Variants in USP25 observed in about 807,000 individuals in gnomAD.
The protein encoded by USP25 is ubiquitin specific peptidase 25.
In USP25, 85 loss-of-function variants were observed where a neutral mutation model predicts 158.5. The ratio of observed to expected loss-of-function variants is 0.54; its 90% CI spans 0.45 to 0.64. USP25 has a LOEUF of 0.64. USP25 is among the 30% of genes least tolerant of loss of function. The pLI, the probability that USP25 is intolerant of heterozygous loss-of-function variation, is 0.00. For synonymous variants in USP25, 464 were observed against 460.4 expected (o/e 1.01, Z -0.10); for missense variants, 1,242 against 1,327.3 (o/e 0.94, Z 1.00).
chr21:15,762,932 G>C lies in USP25; in HGVS notation c.87G>C (p.Gly29=). The change falls in exon 2 of 26, where the codon GGG becomes GGC. Residue 29 remains glycine, a synonymous_variant. Transcript: ENST00000400183. ...TGAATCAACTGAGAGAAATTACGGG[G>C]ATTAATGACACCCAGATACTACAGC... The part of the protein sequence containing the change: ...TFLNQLREIT[G]INDTQILQQA... 1 of 1,612,768 alleles carries C rather than the reference G, an allele frequency of 6.2e-7. No individual in the cohort carries two copies. The highest frequency in any genetic ancestry group is 8.5e-7 in the Non-Finnish European group (1 of 1,179,218).
At chr21:15,861,075 A>C (rs1318442763) in intron 20 of USP25, among the ~76,000 whole-genome samples, 4 of 152,042 alleles carry the variant, frequency 2.6e-5, no homozygotes, top group Non-Finnish European at 4.4e-5. Flanking sequence ...AGTAGAAAAA[A>C]GTCTAGGTAG....
At chr21:15,805,881 A>C (rs1442722169) in intron 7 of USP25, among the ~76,000 whole-genome samples, 1 of 152,214 alleles carries the variant, frequency 6.6e-6, no homozygotes, top group East Asian at 1.9e-4. Flanking sequence ...TAATGGCAGA[A>C]GTTTCAAAAA....
intron 1 of USP25, among the ~76,000 whole-genome samples, chr21:15,742,179 C>G (rs575961122): frequency 3.3e-5 from 5 of 151,910 alleles, no homozygotes; most frequent in South Asian, 2.1e-4. Flanking sequence ...TTGGAAAACC[C>G]CCACTATATC....
chr21:15,817,885 G>A (rs367930142), intron 9 of USP25, among the ~76,000 whole-genome samples: 40 of 152,196 alleles, frequency 2.6e-4, no homozygotes, highest in Non-Finnish European at 4.0e-4. Context: ...CAGCCAAACC[G>A]TATCAGTGAC....
chr21:15,784,132 C>T lies in USP25; in HGVS notation c.392+6105C>T, dbSNP rs376178773. Among the ~76,000 whole-genome samples, 36 of 152,286 alleles carry T rather than the reference C, an allele frequency of 2.4e-4. No homozygotes were observed. The East Asian group carries it at 3.3e-3, about 14-fold the overall frequency. On this transcript the variant is annotated intron_variant, in intron 4 of 25. Coordinates refer to ENST00000400183, the MANE Select transcript of USP25 (RefSeq NM_001283041.3). ...AAATATGTGAAAATACAAAACTCAT[C>T]AATATAGGTAAATCCATAATCATAT...
intron 1 of USP25, among the ~76,000 whole-genome samples, chr21:15,737,434 G>A (rs768798346): frequency 1.3e-5 from 2 of 151,796 alleles, no homozygotes; most frequent in Non-Finnish European, 2.9e-5. Context: ...AAACACACAC[G>A]AACCCCCTAT....
chr21:15,749,287 T>G (rs1413437168), intron 1 of USP25, among the ~76,000 whole-genome samples: 2 of 152,248 alleles, frequency 1.3e-5, no homozygotes, highest in Non-Finnish European at 2.9e-5. Context: ...TGTGAAATAG[T>G]ATTCTTATAC....
intron 1 of USP25, among the ~76,000 whole-genome samples, chr21:15,745,846 A>G (rs1033750822): frequency 1.3e-5 from 2 of 152,036 alleles, no homozygotes; most frequent in Non-Finnish European, 2.9e-5. Flanking sequence ...AAGTTTTGCC[A>G]TTTTAGGTTT....
At chr21:15,786,744 T>G (rs945110097) in intron 4 of USP25, among the ~76,000 whole-genome samples, 1 of 151,968 alleles carries the variant, frequency 6.6e-6, no homozygotes, top group Non-Finnish European at 1.5e-5. Flanking sequence ...CCAATCCTAT[T>G]CAACATAGTA....
intron 14 of USP25, 38 bp downstream of exon 14, chr21:15,827,241 G>A (rs767481074): frequency 3.4e-6 from 5 of 1,483,296 alleles, no homozygotes; most frequent in Non-Finnish European, 4.7e-6. Context: ...TGTCACCTCA[G>A]ATGGATATGT....
chr21:15,809,651 G>A (rs561496108), intron 8 of USP25, among the ~76,000 whole-genome samples: 4 of 152,248 alleles, frequency 2.6e-5, no homozygotes, highest in East Asian at 1.9e-4. Flanking sequence ...GCTTCTTGGT[G>A]TATATCCAAA....
intron 23 of USP25, 76 bp from the exon 24 acceptor site, chr21:15,874,327 T>A (rs1490599047): frequency 1.5e-6 from 2 of 1,304,454 alleles, no homozygotes; most frequent in African/African-American, 3.0e-5. Flanking sequence ...ATACTTAAAA[T>A]GTTTCATAAT....
intron 20 of USP25, among the ~76,000 whole-genome samples, chr21:15,858,813 T>A (rs1874875160): frequency 6.6e-6 from 1 of 151,976 alleles, no homozygotes; most frequent in South Asian, 2.1e-4. Context: ...TACTCTCAAA[T>A]TAGTAGATAA....
At chr21:15,756,487 C>G (rs937598733) in intron 1 of USP25, among the ~76,000 whole-genome samples, 5 of 151,982 alleles carry the variant, frequency 3.3e-5, no homozygotes, top group African/African-American at 1.2e-4. Context: ...CCAGTGATCC[C>G]TTTTTTTGCA....
At chr21:15,785,930 AGACTC>A (rs1242727648) in intron 4 of USP25, among the ~76,000 whole-genome samples, 1 of 152,060 alleles carries the variant, frequency 6.6e-6, no homozygotes, top group African/African-American at 2.4e-5. Context: ...AAAAAAAAAA[AGACTC>A]GAATAAATAA....
chr21:15,868,191 G>C lies in USP25; in HGVS notation c.2805+1847G>C, dbSNP rs1294595409. The stretch of plus-strand genomic sequence containing the variant: ...GACTCCTGTGTAAAGCTGTTTAGAA[G>C]TCAACATAGGTAGAAGCCCAAAGAC... On this transcript the variant is annotated intron_variant, in intron 22 of 25. Transcript: ENST00000400183. Among the ~76,000 whole-genome samples, 3 of 152,148 alleles carry C rather than the reference G, an allele frequency of 2.0e-5. No homozygotes were observed. In the East Asian group the frequency reaches 5.8e-4, roughly 29 times the overall value.
chr21:15,833,303 C>T, intron 16 of USP25, 45 bp from the exon 17 acceptor site: 1 of 1,563,514 alleles, frequency 6.4e-7, no homozygotes, highest in Non-Finnish European at 8.7e-7. Flanking sequence ...TGCATTTTCC[C>T]TTTAATTCTT....
In USP25 at chr21:15,730,377, C is replaced by T. The variant is rs1361718650; in HGVS notation, c.-17C>T. The stretch of plus-strand genomic sequence containing the variant: ...CCGGGCGCCACCGCCGCCGCCGCCG[C>T]CGCCGCCGCGGGGGCCATGACCGTG... On this transcript the variant is annotated 5_prime_UTR_variant, in exon 1 of 26. Coordinates refer to ENST00000400183, the MANE Select transcript of USP25 (RefSeq NM_001283041.3). 4 of 1,235,826 alleles carry T rather than the reference C, an allele frequency of 3.2e-6. No individual in the cohort carries two copies. The African/African-American group carries it at 4.8e-5, about 15-fold the overall frequency. 76.6% of individuals were successfully genotyped at this position (1,235,826 alleles called of 1,614,324 possible).
At chr21:15,800,652 C>T (rs952665250) in intron 6 of USP25, among the ~76,000 whole-genome samples, 1 of 151,034 alleles carries the variant, frequency 6.6e-6, no homozygotes, top group African/African-American at 2.4e-5. Context: ...AGTGGTTGAT[C>T]TTGTCATAAA....
Sources: allele counts gnomAD v4.1 joint callset (sites outside exome capture counted in the v4.1 genomes callset), GRCh38; gene constraint gnomAD v4.1.1; transcripts MANE v1.5; gene names NCBI Gene and HGNC (gene_info 2026-07-23, HGNC 2026-07-21).